ELAVL2: variants seen among roughly 807,000 people sequenced by gnomAD.
ELAVL2 encodes ELAV like RNA binding protein 2.
Under a neutral mutation model 34.6 loss-of-function variants are expected in ELAVL2, and 4 were observed. The ratio of observed to expected loss-of-function variants is 0.12; its 90% confidence interval spans 0.06 to 0.26. The LOEUF is 0.26. Ranked by LOEUF, ELAVL2 falls within the 10% of genes least tolerant of loss-of-function variation. ELAVL2 has a pLI of 1.00. For synonymous variants in ELAVL2, 193 were observed against 154.8 expected, an observed-to-expected ratio of 1.25 and a Z score of -1.83; for missense variants, 432 against 442.8, an observed-to-expected ratio of 0.98 and a Z score of 0.22.
At chr9:23,731,709 G>A (rs1475795731) in intron 2 of ELAVL2, among the ~76,000 whole-genome samples, 1 of 151,902 alleles carries the variant, frequency 6.6e-6, no homozygotes, top group Non-Finnish European at 1.5e-5. Context: ...CTCCAAAGAG[G>A]GTTTTATGAT....
At chr9:23,845,673 A>G in the ELAVL2 span, among the ~76,000 whole-genome samples, 2 of 151,806 alleles carry the variant, frequency 1.3e-5, no homozygotes, top group Non-Finnish European at 3.0e-5. Context: ...ATTAATTTCG[A>G]TGGTTTCACT....
intron 1 of ELAVL2, among the ~76,000 whole-genome samples, chr9:23,782,372 T>C (rs568150724): frequency 2.0e-5 from 3 of 150,528 alleles, no homozygotes; most frequent in Non-Finnish European, 4.4e-5. Flanking sequence ...CCAGCTCTAC[T>C]AAAAATACAA....
chr9:23,783,539 G>A lies in ELAVL2; in HGVS notation c.-15-21290C>T, dbSNP rs2059332197. On this transcript the variant is annotated intron_variant, in intron 1 of 6. Coordinates refer to ENST00000397312, the MANE Select transcript of ELAVL2 (RefSeq NM_004432.5). Reference sequence around the variant, plus strand: ...TCTTGGAGATGGAGCTTTCAAATAAGGCTTTAGTCACCACTAAAAGGACAC... The same window carrying A: ...TCTTGGAGATGGAGCTTTCAAATAAAGCTTTAGTCACCACTAAAAGGACAC... 3 of 981,132 alleles carry A rather than the reference G, an allele frequency of 3.1e-6. No homozygotes were observed. The Admixed American group carries it at 1.8e-4, about 60-fold the overall frequency. 60.8% of individuals were successfully genotyped at this position (981,132 alleles called of 1,614,324 possible).
At chr9:23,702,041 G>T (rs1442926039) in intron 4 of ELAVL2, among the ~76,000 whole-genome samples, 1 of 152,124 alleles carries the variant, frequency 6.6e-6, no homozygotes, top group Non-Finnish European at 1.5e-5. Flanking sequence ...ACAGAAAGAA[G>T]AATTTGCTAA....
intron 6 of ELAVL2, 58 bp from the exon 7 acceptor site, chr9:23,692,942 T>C: frequency 6.6e-7 from 1 of 1,518,028 alleles, no homozygotes; most frequent in Non-Finnish European, 9.0e-7. Flanking sequence ...CAGAGGTTGG[T>C]TATAGCAATG....
At chr9:23,745,006 A>G (rs1406073771) in intron 2 of ELAVL2, among the ~76,000 whole-genome samples, 1 of 152,112 alleles carries the variant, frequency 6.6e-6, no homozygotes, top group African/African-American at 2.4e-5. Flanking sequence ...GGAGCTCAAG[A>G]CTAGCCTAGG....
chr9:23,726,119 A>T (rs902276860), intron 3 of ELAVL2, among the ~76,000 whole-genome samples: 1 of 152,118 alleles, frequency 6.6e-6, no homozygotes, highest in Non-Finnish European at 1.5e-5. Context: ...TGAGGAAAGG[A>T]TAAGCTAGTT....
chr9:23,757,813 T>A (rs1261375567), intron 2 of ELAVL2, among the ~76,000 whole-genome samples: 2 of 152,062 alleles, frequency 1.3e-5, no homozygotes, highest in Admixed American at 1.3e-4. Flanking sequence ...CTGAAGACAT[T>A]TCTTAATGTA....
intron 1 of ELAVL2, among the ~76,000 whole-genome samples, chr9:23,814,734 G>T (rs1245468964): frequency 6.6e-6 from 1 of 152,024 alleles, no homozygotes; most frequent in African/African-American, 2.4e-5. Context: ...ACACATTCTG[G>T]ATACCTCTGC....
At chr9:23,697,664 C>CT (rs2035730645) in intron 5 of ELAVL2, among the ~76,000 whole-genome samples, 1 of 152,018 alleles carries the variant, frequency 6.6e-6, no homozygotes, top group Non-Finnish European at 1.5e-5. Context: ...TGTATCAGAT[C>CT]ATTCCTATTT....
rs112748874 is a variant in ELAVL2 at position 23,821,064 on chromosome 9, G to A, written c.-16+4742C>T. On this transcript the variant is annotated intron_variant, in intron 1 of 6. Transcript: ENST00000397312. Reference sequence around the variant, plus strand: ...GAGCTCCAAGGACCGCGCGCGCGAAGGCGCCGTAGCAAGTGGGCACACACC... The same window carrying A: ...GAGCTCCAAGGACCGCGCGCGCGAAAGCGCCGTAGCAAGTGGGCACACACC... Among the ~76,000 whole-genome samples the A allele has an allele frequency of 7.2e-5, 11 of 152,322 alleles. 2 individuals carry two copies. The highest frequency in any genetic ancestry group is 2.6e-4 in the African/African-American group (11 of 41,580).
intron 3 of ELAVL2, among the ~76,000 whole-genome samples, chr9:23,707,580 G>A (rs1315251295): frequency 6.6e-6 from 1 of 152,192 alleles, no homozygotes; most frequent in South Asian, 2.1e-4. Flanking sequence ...ATGAGATCAA[G>A]TGTCACAGGA....
At chr9:23,778,217 A>G (rs1200000798) in intron 1 of ELAVL2, among the ~76,000 whole-genome samples, 2 of 152,222 alleles carry the variant, frequency 1.3e-5, no homozygotes, top group Non-Finnish European at 2.9e-5. Context: ...GCGAGGTTGA[A>G]AAGAAGGACA....
At chr9:23,812,969 C>G (rs1366784277) in intron 1 of ELAVL2, among the ~76,000 whole-genome samples, 2 of 152,070 alleles carry the variant, frequency 1.3e-5, no homozygotes, top group Non-Finnish European at 2.9e-5. Flanking sequence ...GTTGATACAA[C>G]AGATCTTCAT....
intron 1 of ELAVL2, among the ~76,000 whole-genome samples, chr9:23,776,212 A>G (rs892421304): frequency 6.6e-6 from 1 of 152,176 alleles, no homozygotes; most frequent in African/African-American, 2.4e-5. Context: ...TCCTACCACT[A>G]ACACACACAT....
At chr9:23,786,209 G>C (rs2059658548) in intron 1 of ELAVL2, among the ~76,000 whole-genome samples, 2 of 152,106 alleles carry the variant, frequency 1.3e-5, no homozygotes, top group Admixed American at 6.6e-5. Context: ...ACATAGAAAA[G>C]CTGTTTAACA....
At chr9:23,816,003 A>G (rs1186520342) in intron 1 of ELAVL2, among the ~76,000 whole-genome samples, 3 of 152,186 alleles carry the variant, frequency 2.0e-5, no homozygotes, top group Non-Finnish European at 4.4e-5. Context: ...TCTCACTAGT[A>G]TAAGAAGACA....
Position 23,701,515 on chromosome 9 carries a change from C to A in ELAVL2, c.577G>T (p.Gly193Cys), listed in dbSNP as rs201547434. 8.1e-6 allele frequency: 13 copies of A among 1,613,920 alleles called. No individual in the cohort carries two copies. The highest frequency in any genetic ancestry group is 4.5e-5 in the East Asian group (2 of 44,864). The change falls in exon 5 of 7, where the codon GGT becomes TGT. Residue 193 changes from glycine (G) to cysteine (C), a missense_variant. Physicochemically the swap from Gly to Cys is radical, Grantham distance 159. Coordinates refer to ENST00000397312, the MANE Select transcript of ELAVL2 (RefSeq NM_004432.5). Reference protein sequence around the residue: ...IKGLNGQKPPGATEPITVKFA... With the variant: ...IKGLNGQKPPCATEPITVKFA... ...TTTACAGTGATTGGCTCCGTGGCAC[C>A]GGGAGGTTTCTGGCCATTTAGGCCT...
Position 23,691,519 on chromosome 9 carries a change from T to C in ELAVL2, c.*1038A>G, listed in dbSNP as rs573253589. Reference sequence around the variant, plus strand: ...GGATTTCTTTAGGAAGAACAGATTTTTTCCCCCATCTCTCGGTAATTTAAA... The same window carrying C: ...GGATTTCTTTAGGAAGAACAGATTTCTTCCCCCATCTCTCGGTAATTTAAA... On this transcript the variant is annotated 3_prime_UTR_variant, in exon 7 of 7. Coordinates refer to ENST00000397312, the MANE Select transcript of ELAVL2 (RefSeq NM_004432.5). 2.1e-4 allele frequency: 32 copies of C among 152,640 alleles called. No individual in the cohort carries two copies. Among genetic ancestry groups the C allele is most frequent in the African/African-American group, 7.5e-4 (31 of 41,550 alleles). 9.5% of individuals were successfully genotyped at this position (152,640 alleles called of 1,614,324 possible).
Sources: allele counts gnomAD v4.1 joint callset (sites outside exome capture counted in the v4.1 genomes callset), GRCh38; gene constraint gnomAD v4.1.1; transcripts MANE v1.5; gene names NCBI Gene and HGNC (gene_info 2026-07-23, HGNC 2026-07-21).